CLIC2: variants seen among roughly 807,000 people sequenced by gnomAD.
CLIC2 encodes CLIC family member 2.
In CLIC2, 9 loss-of-function variants were observed where a neutral mutation model predicts 14.8. That is an observed-to-expected ratio of 0.61 (90% CI 0.37 to 1.06). The LOEUF is 1.06. CLIC2 is among the 50% of genes least tolerant of loss of function. The pLI is 0.01. For missense variants in CLIC2, 148 were observed against 181.4 expected (o/e 0.82, Z 1.06); for synonymous variants, 61 against 66.3 (o/e 0.92, Z 0.39).
intron 1 of CLIC2, among the ~76,000 whole-genome samples, chrX:155,300,397 G>A (rs1319514666): frequency 9.0e-6 from 1 of 110,911 alleles, no homozygotes; most frequent in Non-Finnish European, 1.9e-5. Flanking sequence ...GTCTGTTCAT[G>A]TCCTTTGCCC....
At chrX:155,323,412 G>C (rs1317814545) in intron 1 of CLIC2, among the ~76,000 whole-genome samples, 5 of 111,903 alleles carry the variant, frequency 4.5e-5, no homozygotes, top group Non-Finnish European at 9.4e-5. Context: ...AGCATGTAAA[G>C]AGAACCAATG....
chrX:155,277,543 T>C lies in CLIC2; in HGVS notation c.*360A>G, dbSNP rs2074902856. On this transcript the variant is annotated 3_prime_UTR_variant, in exon 6 of 6. Transcript: ENST00000369449. ...TTAGCGATTTATATGGAAATGTTTCTAAGGAGCAGGGTGAGATTGTACCTC... is the reference window on the plus strand; with the variant it reads ...TTAGCGATTTATATGGAAATGTTTCCAAGGAGCAGGGTGAGATTGTACCTC... The C allele has an allele frequency of 7.3e-6, 1 of 136,197 alleles. No individual in the cohort carries two copies. The highest frequency in any genetic ancestry group is 8.4e-5 in the Admixed American group (1 of 11,959). 11.2% of individuals were successfully genotyped at this position (136,197 alleles called of 1,213,427 possible).
chrX:155,299,846 G>A (rs1349510892), intron 1 of CLIC2, among the ~76,000 whole-genome samples: 1 of 104,005 alleles, frequency 9.6e-6, no homozygotes, highest in Non-Finnish European at 2.0e-5. Context: ...TTGTTCTTGC[G>A]ATAGTTTACT....
intron 5 of CLIC2, 115 bp from the exon 6 acceptor site, chrX:155,278,179 TATAAA>T (rs2074905441): frequency 9.5e-6 from 6 of 629,073 alleles, no homozygotes; most frequent in Non-Finnish European, 1.3e-5. Context: ...CAAAAAGCAC[TATAAA>T]ATAAACTATG....
At chrX:155,313,210 A>C (rs188286163) in intron 1 of CLIC2, among the ~76,000 whole-genome samples, 91 of 108,355 alleles carry the variant, frequency 8.4e-4, no homozygotes, top group African/African-American at 2.3e-3. Flanking sequence ...AAAAAAAAAA[A>C]AAAAACAAAA....
intron 1 of CLIC2, among the ~76,000 whole-genome samples, chrX:155,304,933 C>G (rs1187149661): frequency 9.5e-6 from 1 of 105,090 alleles, no homozygotes; most frequent in Non-Finnish European, 2.0e-5. Flanking sequence ...GGCAGTCTGC[C>G]CGTTCTCAGA....
intron 1 of CLIC2, among the ~76,000 whole-genome samples, chrX:155,311,231 CTG>C (rs1321080672): frequency 2.7e-5 from 3 of 111,985 alleles, no homozygotes. Context: ...AAATTTTATG[CTG>C]TGTTTCCTTT....
intron 3 of CLIC2, among the ~76,000 whole-genome samples, chrX:155,297,855 G>C (rs1371148792): frequency 8.6e-5 from 1 of 11,619 alleles, no homozygotes; most frequent in Non-Finnish European, 3.2e-4. Flanking sequence ...GCGAGACTCC[G>C]GTCTCAAAAA....
chrX:155,290,447 C>A, intron 3 of CLIC2: 1 of 507,302 alleles, frequency 2.0e-6, no homozygotes, highest in Non-Finnish European at 3.6e-6. Flanking sequence ...ACTTCTTCTT[C>A]ACAAAGGAAG....
intron 1 of CLIC2, among the ~76,000 whole-genome samples, chrX:155,313,066 G>T (rs1339027377): frequency 9.1e-6 from 1 of 110,220 alleles, no homozygotes; most frequent in Non-Finnish European, 1.9e-5. Flanking sequence ...AAAATAGGCT[G>T]GGCACCATGG....
At chrX:155,333,190 A>C (rs1557323000) in intron 1 of CLIC2, among the ~76,000 whole-genome samples, 1 of 111,844 alleles carries the variant, frequency 8.9e-6, no homozygotes, top group African/African-American at 3.2e-5. Context: ...ACTTTTGCCA[A>C]TAGGTATTTA....
intron 1 of CLIC2, among the ~76,000 whole-genome samples, chrX:155,308,042 G>C (rs2075061717): frequency 9.1e-6 from 1 of 110,095 alleles, no homozygotes; most frequent in African/African-American, 3.3e-5. Context: ...AGACCATCCA[G>C]GAAAACATGA....
In CLIC2 at chrX:155,290,823, C is replaced by T. The variant is rs782278691; in HGVS notation, c.293+7962G>A. ...TTTATTTTTTCCAAAGCCTGAAAAG[C>T]TTCTCGAGAAATAGGAAATGCTACT... On this transcript the variant is annotated intron_variant, in intron 3 of 5. Transcript: ENST00000369449. 3.1e-3 allele frequency: 1,963 copies of T among 630,399 alleles called. 2 individuals carry two copies. Among genetic ancestry groups the T allele is most frequent in the Non-Finnish European group, 4.6e-3 (1,682 of 366,806 alleles). 52.0% of individuals were successfully genotyped at this position (630,399 alleles called of 1,213,427 possible). A position where few individuals can be genotyped will look rare whatever the true frequency, so the allele number is the denominator to read the frequency against.
intron 1 of CLIC2, among the ~76,000 whole-genome samples, chrX:155,306,751 G>A (rs1338962448): frequency 9.1e-6 from 1 of 110,071 alleles, no homozygotes; most frequent in African/African-American, 3.3e-5. Context: ...GAGAGAGAGT[G>A]GGGGATGAGA....
At chrX:155,298,273 T>C (rs1557318572) in intron 3 of CLIC2, among the ~76,000 whole-genome samples, 1 of 112,232 alleles carries the variant, frequency 8.9e-6, no homozygotes, top group African/African-American at 3.2e-5. Flanking sequence ...TACACAGCAA[T>C]AGAAAATTAA....
At chrX:155,278,622 C>T (rs1167030513) in intron 5 of CLIC2, among the ~76,000 whole-genome samples, 5 of 111,966 alleles carry the variant, frequency 4.5e-5, no homozygotes, top group African/African-American at 1.6e-4. Flanking sequence ...TGGAAAATAC[C>T]TTCTGATTTA....
At chrX:155,286,596 G>T (rs188186114) in intron 3 of CLIC2, among the ~76,000 whole-genome samples, 1 of 112,363 alleles carries the variant, frequency 8.9e-6, no homozygotes, top group East Asian at 2.8e-4. Flanking sequence ...CACTCCCACT[G>T]ACAGTGTATA....
chrX:155,308,703 G>A (rs782514383), intron 1 of CLIC2, among the ~76,000 whole-genome samples: 23 of 112,378 alleles, frequency 2.0e-4, no homozygotes, highest in East Asian at 2.8e-4. Flanking sequence ...ACTTCAGTGC[G>A]TCTGGAAGCA....
At chrX:155,307,361 G>A (rs1388642348) in intron 1 of CLIC2, among the ~76,000 whole-genome samples, 2 of 110,869 alleles carry the variant, frequency 1.8e-5, no homozygotes, top group African/African-American at 3.3e-5. Context: ...ATGTGCAAAG[G>A]TCTTGCAATA....
Sources: allele counts gnomAD v4.1 joint callset (sites outside exome capture counted in the v4.1 genomes callset), GRCh38; gene constraint gnomAD v4.1.1; transcripts MANE v1.5; gene names NCBI Gene and HGNC (gene_info 2026-07-23, HGNC 2026-07-21).